Variants in ANKRD36B observed in about 807,000 individuals in gnomAD.
The protein encoded by ANKRD36B is ankyrin repeat domain-containing protein 36B.
ANKRD36B carries 37 observed loss-of-function variants against 135.7 expected under a neutral mutation model. The ratio of observed to expected loss-of-function variants is 0.27; its 90% CI spans 0.21 to 0.36. The LOEUF (loss-of-function observed/expected upper bound fraction) is 0.36, where lower values mean the gene tolerates loss of function less well. Among genes scored for constraint, ANKRD36B ranks in the 10% least tolerant of loss-of-function variants. The probability of loss-of-function intolerance (pLI) is 1.00; values close to 1 mark genes in which losing one functional copy is unlikely to be tolerated. For missense variants in ANKRD36B, 549 were observed against 1,037.1 expected, an observed-to-expected ratio of 0.53 and a Z score of 6.46; for synonymous variants, 179 against 348.1, an observed-to-expected ratio of 0.51 and a Z score of 5.41.
At chr2:97,560,974 T>C (rs549471928) in intron 6 of ANKRD36B, 114 bp from the exon 7 acceptor site, 6 of 866,792 alleles carry the variant, frequency 6.9e-6, no homozygotes, top group African/African-American at 6.7e-5. Flanking sequence ...CCTGTATTAC[T>C]GTAGGCTTTG....
At chr2:97,565,441 C>T (rs1421062298) in intron 6 of ANKRD36B, among the ~76,000 whole-genome samples, 2 of 152,100 alleles carry the variant, frequency 1.3e-5, no homozygotes, top group African/African-American at 2.4e-5. Flanking sequence ...GAAATGTTTG[C>T]AATCTGTCCA....
At chr2:97,552,427 C>T (rs2080149437) in intron 16 of ANKRD36B, among the ~76,000 whole-genome samples, 1 of 151,902 alleles carries the variant, frequency 6.6e-6, no homozygotes. Flanking sequence ...CCAATGTATT[C>T]ATATTCAAGT....
chr2:97,560,151 C>T (rs974821001), intron 8 of ANKRD36B, among the ~76,000 whole-genome samples: 1 of 151,642 alleles, frequency 6.6e-6, no homozygotes, highest in African/African-American at 2.4e-5. Context: ...AGCAGAAAAC[C>T]CAAAATTACA....
rs1478675692 is a variant in ANKRD36B at position 97,540,398 on chromosome 2, A to T, written c.1886-169T>A. On this transcript the variant is annotated intron_variant, in intron 28 of 43. Transcript: ENST00000359901. ...GGAACATGACAGAAATACACTGAAA[A>T]AAAGTAATACAGCCTTCATGAAAAA... is the stretch of plus-strand genomic sequence containing the variant. Among the ~76,000 whole-genome samples the T allele has an allele frequency of 5.2e-5, 5 of 96,762 alleles. 2 individuals carry two copies. Among genetic ancestry groups the T allele is most frequent in the Non-Finnish European group, 1.4e-4 (5 of 36,344 alleles). 63.5% of individuals were successfully genotyped at this position (96,762 alleles called of 152,430 possible).
chr2:97,536,568 C>A, intron 32 of ANKRD36B, 72 bp from the exon 33 acceptor site: 1 of 653,364 alleles, frequency 1.5e-6, no homozygotes, highest in East Asian at 2.9e-5. Flanking sequence ...GGAGTGTTAG[C>A]ATCAAACTGA....
At chr2:97,558,593 C>G (rs1462007996) in intron 10 of ANKRD36B, among the ~76,000 whole-genome samples, 2 of 151,916 alleles carry the variant, frequency 1.3e-5, no homozygotes, top group Non-Finnish European at 2.9e-5. Context: ...TTCTTCTTCC[C>G]AATTTCAATG....
At chr2:97,580,413 A>G (rs1159686968) in intron 4 of ANKRD36B, 49 bp downstream of exon 4, 2 of 1,461,850 alleles carry the variant, frequency 1.4e-6, no homozygotes, top group East Asian at 2.6e-5. Context: ...TACCACTCTA[A>G]AATGACACTC....
intron 43 of ANKRD36B, among the ~76,000 whole-genome samples, chr2:97,496,853 A>ATAGATATATATG (rs2077314734): frequency 1.4e-5 from 1 of 72,212 alleles, no homozygotes; most frequent in African/African-American, 6.4e-5. Flanking sequence ...ATATATATAT[A>ATAGATATATATG]TATATATCTT....
intron 12 of ANKRD36B, among the ~76,000 whole-genome samples, chr2:97,556,628 C>G (rs184597187): frequency 0.01 from 1,576 of 151,948 alleles, 30 homozygotes; most frequent in African/African-American, 0.036. Context: ...TCTCCTTCCC[C>G]TCTCCATAGA....
intron 1 of ANKRD36B, among the ~76,000 whole-genome samples, chr2:97,587,828 T>C (rs2442307): frequency 2.1e-5 from 1 of 48,000 alleles, no homozygotes; most frequent in African/African-American, 3.7e-5. Flanking sequence ...TATTTCATTC[T>C]TTTTTTAACT....
At chr2:97,556,683 T>G in intron 12 of ANKRD36B, among the ~76,000 whole-genome samples, 1 of 151,916 alleles carries the variant, frequency 6.6e-6, no homozygotes, top group South Asian at 2.1e-4. Flanking sequence ...CCCCTGATCC[T>G]CTTATGTCTT....
chr2:97,556,435 G>A, intron 12 of ANKRD36B, among the ~76,000 whole-genome samples: 1 of 151,388 alleles, frequency 6.6e-6, no homozygotes, highest in Middle Eastern at 3.2e-3. Context: ...CAAAATTACA[G>A]AAATAACTTC....
At chr2:97,535,498 C>G (rs2078833928) in intron 34 of ANKRD36B, among the ~76,000 whole-genome samples, 1 of 119,702 alleles carries the variant, frequency 8.4e-6, no homozygotes, top group African/African-American at 2.5e-5. Context: ...CACACACACA[C>G]ACACACACAC....
intron 20 of ANKRD36B, among the ~76,000 whole-genome samples, chr2:97,548,916 T>C (rs1225207248): frequency 1.3e-5 from 2 of 151,934 alleles, no homozygotes; most frequent in African/African-American, 2.4e-5. Context: ...ATTATATAAA[T>C]GACTTCCTCT....
chr2:97,547,348 C>T (rs2079563734), intron 22 of ANKRD36B, 188 bp downstream of exon 22: 5 of 700,562 alleles, frequency 7.1e-6, no homozygotes, highest in Non-Finnish European at 9.0e-6. Flanking sequence ...AGTGTATAAC[C>T]TTACTGCGAA....
At chr2:97,548,118 A>T (rs560470951) in intron 20 of ANKRD36B, among the ~76,000 whole-genome samples, 1 of 151,804 alleles carries the variant, frequency 6.6e-6, no homozygotes, top group African/African-American at 2.4e-5. Context: ...GCAACAAATC[A>T]AAAGGATTTA....
At chr2:97,494,187 G>C in intron 43 of ANKRD36B, among the ~76,000 whole-genome samples, 1 of 97,272 alleles carries the variant, frequency 1.0e-5, no homozygotes, top group East Asian at 2.2e-4. Context: ...AGAGCAACAC[G>C]GAAAAACACA....
intron 6 of ANKRD36B, among the ~76,000 whole-genome samples, chr2:97,563,701 T>C (rs1236150946): frequency 1.3e-5 from 2 of 152,102 alleles, no homozygotes; most frequent in East Asian, 1.9e-4. Flanking sequence ...CTCAGGGTCA[T>C]GACATGTCAA....
intron 5 of ANKRD36B, among the ~76,000 whole-genome samples, chr2:97,576,880 C>T (rs2442278): frequency 4.6e-5 from 7 of 152,166 alleles, no homozygotes; most frequent in East Asian, 1.9e-4. Flanking sequence ...AGCAGTGGAG[C>T]TTGTTCTTGA....
Sources: gnomAD v4.1 joint callset for allele counts (sites outside exome capture counted in the v4.1 genomes callset) on GRCh38, gnomAD v4.1.1 for gene constraint, MANE v1.5 for transcripts, NCBI Gene and HGNC (gene_info 2026-07-23, HGNC 2026-07-21) for gene names.